Variants in SLC35E1 observed in about 807,000 individuals in gnomAD.
SLC35E1 encodes solute carrier family 35 member E1.
SLC35E1 carries 12 observed loss-of-function variants against 31.0 expected under a neutral mutation model. That is an observed-to-expected ratio of 0.39 (90% CI 0.25 to 0.63). The LOEUF is 0.63. Ranked by LOEUF, SLC35E1 falls within the 20% of genes least tolerant of loss-of-function variation. The pLI is 0.52. For synonymous variants in SLC35E1, 257 were observed against 264.1 expected (o/e 0.97, Z 0.26); for missense variants, 429 against 572.2 (o/e 0.75, Z 2.55).
intron 4 of SLC35E1, chr19:16,564,995 C>T (rs1283327583): frequency 2.6e-6 from 1 of 382,586 alleles, no homozygotes; most frequent in South Asian, 1.8e-5. Context: ...AGAAATGTCA[C>T]AAATCCAGCT....
At chr19:16,569,752 A>C (rs1393756569) in intron 2 of SLC35E1, among the ~76,000 whole-genome samples, 2 of 152,194 alleles carry the variant, frequency 1.3e-5, no homozygotes, top group Non-Finnish European at 2.9e-5. Flanking sequence ...AGGCTGAGGC[A>C]AGAATCGCTT....
chr19:16,554,919 G>A (rs757617224), intron 5 of SLC35E1, among the ~76,000 whole-genome samples: 4 of 152,150 alleles, frequency 2.6e-5, no homozygotes, highest in Non-Finnish European at 4.4e-5. Context: ...TTTGAGAGGA[G>A]GGAGGGAAAA....
chr19:16,554,134 C>T (rs2085861230), intron 5 of SLC35E1, among the ~76,000 whole-genome samples: 1 of 151,748 alleles, frequency 6.6e-6, no homozygotes, highest in African/African-American at 2.4e-5. Context: ...GGTGTGGTGG[C>T]GCATGCTGTA....
At chr19:16,566,256 G>A (rs1331755110) in intron 4 of SLC35E1, 5 of 405,818 alleles carry the variant, frequency 1.2e-5, no homozygotes, top group Admixed American at 4.1e-5. Context: ...GGAGGTGAAA[G>A]AGTCACCTTC....
chr19:16,557,954 C>T (rs983649136), intron 4 of SLC35E1, among the ~76,000 whole-genome samples: 3 of 152,174 alleles, frequency 2.0e-5, no homozygotes, highest in Non-Finnish European at 4.4e-5. Flanking sequence ...GCTGGGACTA[C>T]AGGCGCCCGC....
At position 16,551,063 on chromosome 19, in the gene SLC35E1, T is replaced by C. The variant is rs997338377; in HGVS notation, c.*2616A>G. 6.6e-6 allele frequency: 1 copy of C among 152,196 alleles called. No individual in the cohort carries two copies. 9.4% of individuals were successfully genotyped at this position (152,196 alleles called of 1,614,324 possible). A position where few individuals can be genotyped will look rare whatever the true frequency, so the allele number is the denominator to read the frequency against. Reference sequence around the variant, plus strand: ...GAATCAGGTACTATATATAATCATATAGACAACTCCCGTAATATCTCCGCA... The same window carrying C: ...GAATCAGGTACTATATATAATCATACAGACAACTCCCGTAATATCTCCGCA... On this transcript the variant is annotated 3_prime_UTR_variant, in exon 6 of 6. Coordinates refer to ENST00000595753, the MANE Select transcript of SLC35E1 (RefSeq NM_024881.5).
At chr19:16,558,856 G>A (rs987766110) in intron 4 of SLC35E1, among the ~76,000 whole-genome samples, 6 of 144,218 alleles carry the variant, frequency 4.2e-5, no homozygotes, top group Non-Finnish European at 6.0e-5. Context: ...TGCAACCTCC[G>A]CCTCCCACGT....
At chr19:16,559,310 C>T (rs892319909) in intron 4 of SLC35E1, among the ~76,000 whole-genome samples, 1 of 151,652 alleles carries the variant, frequency 6.6e-6, no homozygotes, top group Non-Finnish European at 1.5e-5. Flanking sequence ...AGCAAGACTC[C>T]GTCTAAGGGA....
chr19:16,564,005 G>C (rs943909506), intron 4 of SLC35E1: 7 of 152,206 alleles, frequency 4.6e-5, no homozygotes, highest in Admixed American at 4.6e-4. Context: ...TGAAAGTGAC[G>C]CTAATTGCTA....
rs1393300747 is a variant in SLC35E1, at chr19:16,553,679, C to A, written c.1233G>T (p.Ter411TyrextTer27). 14 of 1,538,910 alleles carry A rather than the reference C, an allele frequency of 9.1e-6. No homozygotes were observed. The highest frequency in any genetic ancestry group is 1.2e-5 in the Non-Finnish European group (14 of 1,136,264). Residue 411 changes from the stop codon to tyrosine (Y), a stop_lost, in exon 6 of 6, where the codon TAG (stop) becomes TAT (tyrosine). Transcript: ENST00000595753. Reference sequence around the variant, plus strand: ...ACAGTCTGGTCCTGTCCTTTGGACTCTACACATCATAGCGGTTCAAACTGT... The same window carrying A: ...ACAGTCTGGTCCTGTCCTTTGGACTATACACATCATAGCGGTTCAAACTGT... ...NSYSLNRYDV[*>Y]
At position 16,555,070 on chromosome 19, in the gene SLC35E1, C is replaced by T. The variant is rs1019585341; in HGVS notation, c.1002+82G>A. Reference sequence around the variant, plus strand: ...TCTGACATACAACCCCAGCCTTGAGCGCCCGGGAGGCCCTTCCTTTTCTGA... The same window carrying T: ...TCTGACATACAACCCCAGCCTTGAGTGCCCGGGAGGCCCTTCCTTTTCTGA... On this transcript the variant is annotated intron_variant, in intron 5 of 5. Transcript: ENST00000595753. The surrounding 1 kb of genome is among the most constrained non-coding windows in gnomAD (Gnocchi z 4.1). 5.5e-5 allele frequency: 87 copies of T among 1,570,558 alleles called. No individual in the cohort carries two copies. In the African/African-American group the frequency reaches 7.3e-4, roughly 13 times the overall value.
At position 16,555,161 on chromosome 19, in the gene SLC35E1, G is replaced by C. The variant is rs770032094; in HGVS notation, c.993C>G (p.Leu331=). The change falls in exon 5 of 6, where the codon CTC becomes CTG. Residue 331 remains leucine, a synonymous_variant. Coordinates refer to ENST00000595753, the MANE Select transcript of SLC35E1 (RefSeq NM_024881.5). This position sits in a 1 kb window ranked among gnomAD's most constrained non-coding sequence, Gnocchi z 4.1. The part of the protein sequence containing the change: ...GMMTAILGVF[L]YNKTKYDANQ... ...CCTCTCAGACTCTCACCTTGTTATA[G>C]AGGAAGACCCCCAGGATGGCGGTCA... 1 of 1,614,104 alleles carries C rather than the reference G, an allele frequency of 6.2e-7. No homozygotes were observed. Among genetic ancestry groups the C allele is most frequent in the South Asian group, 1.1e-5 (1 of 91,072 alleles).
intron 2 of SLC35E1, among the ~76,000 whole-genome samples, chr19:16,568,402 C>A (rs2085942384): frequency 6.6e-6 from 1 of 152,198 alleles, no homozygotes; most frequent in African/African-American, 2.4e-5. Context: ...ATACCGTCAC[C>A]CCCATTAAGA....
intron 5 of SLC35E1, among the ~76,000 whole-genome samples, chr19:16,554,327 C>A (rs1238670670): frequency 6.7e-6 from 1 of 149,576 alleles, no homozygotes; most frequent in East Asian, 2.0e-4. Context: ...AGTCATAGGG[C>A]TTGAGCAAGG....
intron 2 of SLC35E1, among the ~76,000 whole-genome samples, chr19:16,569,517 T>TCCAGGATCCA (rs2085947547): frequency 6.6e-6 from 1 of 152,116 alleles, no homozygotes; most frequent in Non-Finnish European, 1.5e-5. Flanking sequence ...ACTCCCAACT[T>TCCAGGATCCA]CCAGGATCCA....
Position 16,553,515 on chromosome 19 carries a change from TC to T in SLC35E1, c.*163del, listed in dbSNP as rs1401536174. On this transcript the variant is annotated 3_prime_UTR_variant, in exon 6 of 6. Transcript: ENST00000595753. ...GGCCGTCTGCACTGCAGGCAACGCA[TC>T]CTCCTGCGGCTCACGGGGGGCCAGG... The T allele has an allele frequency of 1.8e-6, 1 of 547,304 alleles. No homozygotes were observed. The highest frequency in any genetic ancestry group is 1.9e-5 in the African/African-American group (1 of 51,750). 33.9% of individuals were successfully genotyped at this position (547,304 alleles called of 1,614,324 possible). A position where few individuals can be genotyped will look rare whatever the true frequency, so the allele number is the denominator to read the frequency against.
chr19:16,557,085 C>T, intron 4 of SLC35E1: 1 of 416,892 alleles, frequency 2.4e-6, no homozygotes, highest in Non-Finnish European at 5.0e-6. Flanking sequence ...TTTCTTCCTG[C>T]TTGCATAGAT....
Position 16,572,365 on chromosome 19 carries a change from C to A in SLC35E1, c.-1G>T. 1 of 1,010,214 alleles carries A rather than the reference C, an allele frequency of 9.9e-7. No homozygotes were observed. Among genetic ancestry groups the A allele is most frequent in the Non-Finnish European group, 1.2e-6 (1 of 845,580 alleles). 62.6% of individuals were successfully genotyped at this position (1,010,214 alleles called of 1,614,324 possible). ...CCGCGCCCACCGCGGCCGCCGCCATCCTGCCCGAGCGGCCGCCCCTTCCAG... is the reference window on the plus strand; with the variant it reads ...CCGCGCCCACCGCGGCCGCCGCCATACTGCCCGAGCGGCCGCCCCTTCCAG... On this transcript the variant is annotated 5_prime_UTR_variant, in exon 1 of 6. Transcript: ENST00000595753. The surrounding 1 kb of genome is among the most constrained non-coding windows in gnomAD (Gnocchi z 4.1).
Position 16,552,226 on chromosome 19 carries a change from T to C in SLC35E1, c.*1453A>G, listed in dbSNP as rs2085849226. The C allele has an allele frequency of 6.6e-6, 1 of 152,152 alleles. No homozygotes were observed. Among genetic ancestry groups the C allele is most frequent in the African/African-American group, 2.4e-5 (1 of 41,450 alleles). The allele number at this position is 152,152 out of a possible 1,614,324, so 9.4% of individuals were successfully genotyped here. On this transcript the variant is annotated 3_prime_UTR_variant, in exon 6 of 6. Transcript: ENST00000595753. ...ATATTGAGATAATGTTCACGATTCATTCTGTTTTCAGCAATTGTGACAATT... is the reference window on the plus strand; with the variant it reads ...ATATTGAGATAATGTTCACGATTCACTCTGTTTTCAGCAATTGTGACAATT...
Sources: gnomAD v4.1 joint callset for allele counts (sites outside exome capture counted in the v4.1 genomes callset) on GRCh38, gnomAD v4.1.1 for gene constraint, Gnocchi (gnomAD v3.1) non-coding constraint, MANE v1.5 for transcripts, NCBI Gene and HGNC (gene_info 2026-07-23, HGNC 2026-07-21) for gene names.